Variants in NLGN1 observed in about 807,000 individuals in gnomAD.
NLGN1 encodes neuroligin-1.
In NLGN1, 12 loss-of-function variants were observed where a neutral mutation model predicts 65.5. That is an observed-to-expected ratio of 0.18 (90% CI 0.12 to 0.30). The LOEUF is 0.30. Among genes scored for constraint, NLGN1 ranks in the 10% least tolerant of loss-of-function variants. The pLI is 1.00. For synonymous variants in NLGN1, 350 were observed against 359.5 expected (o/e 0.97, Z 0.30); for missense variants, 750 against 1,007.1 (o/e 0.74, Z 3.46).
chr3:173,747,295 C>T lies in NLGN1; in HGVS notation c.494-60385C>T, dbSNP rs950088104. On this transcript the variant is annotated intron_variant, in intron 3 of 6. Coordinates refer to ENST00000457714, the Ensembl canonical transcript of NLGN1. Reference sequence around the variant, plus strand: ...TTTAAGTATATATATTTAAATATATCTTATGTATGTATATATTTATATATA... The same window carrying T: ...TTTAAGTATATATATTTAAATATATTTTATGTATGTATATATTTATATATA... Among the ~76,000 whole-genome samples, 13 of 127,814 alleles carry T rather than the reference C, an allele frequency of 1.0e-4. 1 individual carries two copies. The East Asian group carries it at 1.7e-3, about 17-fold the overall frequency. 83.9% of individuals were successfully genotyped at this position (127,814 alleles called of 152,430 possible).
chr3:173,567,937 T>A (rs1743963559), intron 2 of NLGN1, among the ~76,000 whole-genome samples: 1 of 152,128 alleles, frequency 6.6e-6, no homozygotes, highest in African/African-American at 2.4e-5. Context: ...TTTGAATAAA[T>A]GAATAATGAA....
At chr3:174,038,184 CTGTA>C (rs1420008747) in intron 4 of NLGN1, among the ~76,000 whole-genome samples, 1 of 152,116 alleles carries the variant, frequency 6.6e-6, no homozygotes, top group Non-Finnish European at 1.5e-5. Context: ...GCTTTTAATT[CTGTA>C]AATCTCACTC....
rs1363865590 is a variant in NLGN1, at chr3:173,845,672, G to A, written c.646+37840G>A. Among the ~76,000 whole-genome samples the A allele has an allele frequency of 2.3e-4, 35 of 151,606 alleles. 1 individual carries two copies. Among genetic ancestry groups the A allele is most frequent in the Admixed American group, 2.3e-3 (35 of 15,164 alleles). On this transcript the variant is annotated intron_variant, in intron 4 of 6. Transcript: ENST00000457714. ...GATAAATAGACGAATTATTCCAGGA[G>A]TAACTCAATAGGAAACATAAAATGT...
At chr3:173,787,803 C>T (rs561285307) in intron 3 of NLGN1, among the ~76,000 whole-genome samples, 2 of 152,218 alleles carry the variant, frequency 1.3e-5, no homozygotes, top group African/African-American at 2.4e-5. Context: ...ACCATGTTTC[C>T]GATGTTTTTG....
At chr3:174,022,204 C>A (rs990141532) in intron 4 of NLGN1, among the ~76,000 whole-genome samples, 4 of 152,136 alleles carry the variant, frequency 2.6e-5, no homozygotes, top group African/African-American at 9.7e-5. Flanking sequence ...CGGTGGGCAA[C>A]CCTTGGGTCT....
At chr3:174,283,959 A>T (rs1464295481) in exon 7 of NLGN1, 1 of 151,406 alleles carries the variant, frequency 6.6e-6, no homozygotes, top group African/African-American at 2.4e-5. Context: ...GCATTGCTTC[A>T]TTTGGCAAAA....
At chr3:174,047,362 A>G (rs931619459) in intron 4 of NLGN1, among the ~76,000 whole-genome samples, 3 of 152,158 alleles carry the variant, frequency 2.0e-5, no homozygotes, top group African/African-American at 7.2e-5. Flanking sequence ...TTTCAATTTT[A>G]GCCAAGGTCC....
intron 4 of NLGN1, among the ~76,000 whole-genome samples, chr3:174,145,262 C>T (rs1011982198): frequency 2.0e-5 from 3 of 152,084 alleles, no homozygotes; most frequent in Admixed American, 6.6e-5. Context: ...CGCCTGTAAT[C>T]ACAGCACTTT....
intron 2 of NLGN1, among the ~76,000 whole-genome samples, chr3:173,515,190 A>G (rs1733626914): frequency 1.3e-5 from 2 of 152,132 alleles, no homozygotes; most frequent in Admixed American, 1.3e-4. Context: ...GATAATAGCC[A>G]TCCTAACAGG....
intron 4 of NLGN1, among the ~76,000 whole-genome samples, chr3:173,859,734 G>A (rs1728697811): frequency 6.6e-6 from 1 of 151,830 alleles, no homozygotes; most frequent in Non-Finnish European, 1.5e-5. Flanking sequence ...ATTTTTAGAG[G>A]TGGTCTAAAC....
intron 3 of NLGN1, among the ~76,000 whole-genome samples, chr3:173,615,105 G>A (rs191911445): frequency 2.9e-4 from 44 of 152,164 alleles, no homozygotes; most frequent in African/African-American, 9.6e-4. Context: ...TTCTTATAGG[G>A]GTAGAGGGGA....
chr3:173,651,255 T>C (rs1759128748), intron 3 of NLGN1, among the ~76,000 whole-genome samples: 2 of 151,656 alleles, frequency 1.3e-5, no homozygotes, highest in African/African-American at 4.8e-5. Context: ...TATGATTTCA[T>C]TCTTTATATG....
At chr3:174,158,908 C>T (rs1725973006) in intron 4 of NLGN1, among the ~76,000 whole-genome samples, 1 of 151,584 alleles carries the variant, frequency 6.6e-6, no homozygotes, top group Non-Finnish European at 1.5e-5. Flanking sequence ...TTAATCCAGG[C>T]CATGGTAAGC....
chr3:173,759,460 G>A lies in NLGN1; in HGVS notation c.494-48220G>A, dbSNP rs1309575091. ...GCAGTGATTTAATCTCTATGGGAGT[G>A]GAGTCACTGCTATGTATGTTTTTAA... On this transcript the variant is annotated intron_variant, in intron 3 of 6. Coordinates refer to ENST00000457714, the Ensembl canonical transcript of NLGN1. 3.3e-5 allele frequency among the ~76,000 whole-genome samples: 5 copies of A among 151,880 alleles called. No homozygotes were observed. The East Asian group carries it at 7.7e-4, about 23-fold the overall frequency.
At chr3:173,616,203 A>G (rs953934073) in intron 3 of NLGN1, among the ~76,000 whole-genome samples, 1 of 152,110 alleles carries the variant, frequency 6.6e-6, no homozygotes, top group Non-Finnish European at 1.5e-5. Flanking sequence ...ATGGGACCAT[A>G]TTTCAGATAT....
At chr3:174,179,191 T>G (rs1729949303) in intron 4 of NLGN1, among the ~76,000 whole-genome samples, 1 of 152,114 alleles carries the variant, frequency 6.6e-6, no homozygotes, top group African/African-American at 2.4e-5. Flanking sequence ...TTTTAAACTA[T>G]TAAGTTAAAG....
intron 4 of NLGN1, among the ~76,000 whole-genome samples, chr3:174,105,761 A>T (rs151043093): frequency 2.7e-5 from 4 of 148,842 alleles, no homozygotes; most frequent in African/African-American, 1.0e-4. Flanking sequence ...ATTTTACCTA[A>T]TGAAGTCCTA....
chr3:173,905,719 G>A (rs1738245117), intron 4 of NLGN1, among the ~76,000 whole-genome samples: 1 of 152,216 alleles, frequency 6.6e-6, no homozygotes, highest in Admixed American at 6.5e-5. Flanking sequence ...GGATCCAGCA[G>A]CACTTTCCCT....
chr3:173,447,381 A>G (rs9850034), intron 2 of NLGN1, among the ~76,000 whole-genome samples: 147,180 of 152,252 alleles, frequency 0.97, 71,204 homozygotes, highest in East Asian at 1. Flanking sequence ...TTGTAGATAC[A>G]TGGCATTATT....
Sources: gnomAD v4.1 joint callset for allele counts (sites outside exome capture counted in the v4.1 genomes callset) on GRCh38, gnomAD v4.1.1 for gene constraint, MANE v1.5 for transcripts, NCBI Gene and HGNC (gene_info 2026-07-23, HGNC 2026-07-21) for gene names.